The following ADCY8 variants were observed in gnomAD, a reference collection of about 807,000 sequenced individuals.
ADCY8 encodes adenylate cyclase 8, also known as adenylate cyclase type 8.
ADCY8 carries 51 observed loss-of-function variants against 119.7 expected under a neutral mutation model. That is an observed-to-expected ratio of 0.43 (90% confidence interval 0.34 to 0.54). The LOEUF is 0.54. Among genes scored for constraint, ADCY8 ranks in the 20% least tolerant of loss-of-function variants. ADCY8 has a pLI of 0.03. For synonymous variants in ADCY8, 665 were observed against 651.0 expected (o/e 1.02, Z -0.33); for missense variants, 1,383 against 1,598.8 (o/e 0.87, Z 2.30).
At chr8:130,941,663 C>T (rs966864342) in intron 4 of ADCY8, among the ~76,000 whole-genome samples, 7 of 152,142 alleles carry the variant, frequency 4.6e-5, no homozygotes, top group African/African-American at 7.2e-5. Context: ...CCTCCGCCCC[C>T]GTCAGTCTCC....
At chr8:130,821,268 G>T in intron 13 of ADCY8, 74 bp downstream of exon 13, 1 of 1,280,198 alleles carries the variant, frequency 7.8e-7, no homozygotes, top group Non-Finnish European at 1.1e-6. Context: ...TTGCTGCAAA[G>T]AGCAGCAGAG....
intron 2 of ADCY8, among the ~76,000 whole-genome samples, chr8:130,961,026 C>G (rs1282488660): frequency 6.6e-6 from 1 of 151,902 alleles, no homozygotes; most frequent in Non-Finnish European, 1.5e-5. Context: ...GTTTGGGATT[C>G]CAGTCACTCT....
chr8:130,801,562 T>G (rs1006441367), intron 14 of ADCY8, among the ~76,000 whole-genome samples: 1 of 152,218 alleles, frequency 6.6e-6, no homozygotes, highest in Non-Finnish European at 1.5e-5. Context: ...GAGTCTCTTC[T>G]AAGAAAAAGA....
In ADCY8 at chr8:130,787,779, C is replaced by A. The variant is rs1349615955; in HGVS notation, c.3061-2304G>T. ...TGCCTGTGTCCACATGTATGTGTGCCTGTGTGTGGGTGCACACACACATGT... is the reference window on the plus strand; with the variant it reads ...TGCCTGTGTCCACATGTATGTGTGCATGTGTGTGGGTGCACACACACATGT... On this transcript the variant is annotated intron_variant, in intron 15 of 17. Transcript: ENST00000286355. Among the ~76,000 whole-genome samples, 1,062 of 151,664 alleles carry A rather than the reference C, an allele frequency of 7.0e-3. 12 individuals carry two copies. Among genetic ancestry groups the A allele is most frequent in the African/African-American group, 0.024 (1,008 of 41,252 alleles).
chr8:130,867,494 G>A (rs918722640), intron 9 of ADCY8, among the ~76,000 whole-genome samples: 1 of 152,196 alleles, frequency 6.6e-6, no homozygotes, highest in African/African-American at 2.4e-5. Flanking sequence ...AAGGAGCTAC[G>A]ATGCTGTATC....
chr8:130,815,134 A>T (rs1384548365), intron 13 of ADCY8, among the ~76,000 whole-genome samples: 2 of 152,196 alleles, frequency 1.3e-5, no homozygotes, highest in African/African-American at 4.8e-5. Context: ...CACTAAAAAA[A>T]GGCCAGGTTG....
chr8:130,928,453 T>A (rs938412670), intron 5 of ADCY8, among the ~76,000 whole-genome samples: 1 of 152,164 alleles, frequency 6.6e-6, no homozygotes, highest in Non-Finnish European at 1.5e-5. Flanking sequence ...ACATTCTTTC[T>A]CTAATTAATT....
At chr8:130,953,584 T>A (rs560865321) in intron 2 of ADCY8, among the ~76,000 whole-genome samples, 3 of 152,314 alleles carry the variant, frequency 2.0e-5, no homozygotes, top group African/African-American at 7.2e-5. Flanking sequence ...TTGAGTCTGA[T>A]GAAGAAGTTT....
intron 2 of ADCY8, among the ~76,000 whole-genome samples, chr8:130,986,281 G>A (rs1340343958): frequency 3.9e-5 from 6 of 152,136 alleles, no homozygotes; most frequent in South Asian, 2.1e-4. Context: ...TTATTTTTAC[G>A]CAAAGGAGTT....
intron 1 of ADCY8, among the ~76,000 whole-genome samples, chr8:131,000,883 C>T (rs1477570575): frequency 6.6e-6 from 1 of 152,094 alleles, no homozygotes; most frequent in Non-Finnish European, 1.5e-5. Context: ...CTTTCCAGCA[C>T]AGTCTAGAAG....
chr8:131,017,750 G>A (rs1343905949), intron 1 of ADCY8, among the ~76,000 whole-genome samples: 1 of 151,946 alleles, frequency 6.6e-6, no homozygotes, highest in Non-Finnish European at 1.5e-5. Context: ...ACTGGTCACA[G>A]CATGTTAACA....
chr8:130,932,657 C>T (rs1441910174), intron 5 of ADCY8, among the ~76,000 whole-genome samples: 1 of 152,136 alleles, frequency 6.6e-6, no homozygotes, highest in Non-Finnish European at 1.5e-5. Context: ...TTCCTTAGCT[C>T]TTTTGAAGCT....
intron 15 of ADCY8, among the ~76,000 whole-genome samples, chr8:130,791,314 G>A (rs368834189): frequency 1.3e-5 from 2 of 152,140 alleles, no homozygotes; most frequent in African/African-American, 2.4e-5. Flanking sequence ...TGTGGGCCTC[G>A]GCCCTCACCA....
intron 2 of ADCY8, among the ~76,000 whole-genome samples, chr8:130,988,913 CTTG>C (rs1283436782): frequency 6.6e-6 from 1 of 152,174 alleles, no homozygotes; most frequent in Non-Finnish European, 1.5e-5. Context: ...AATTTCAGCT[CTTG>C]TTGTGACAAA....
chr8:130,913,475 A>G (rs747599399), intron 5 of ADCY8, among the ~76,000 whole-genome samples: 13 of 152,106 alleles, frequency 8.5e-5, no homozygotes, highest in Non-Finnish European at 1.8e-4. Context: ...CTTTTGACCA[A>G]TGAAATATGA....
At chr8:130,792,551 G>A (rs1424802238) in intron 15 of ADCY8, among the ~76,000 whole-genome samples, 1 of 152,130 alleles carries the variant, frequency 6.6e-6, no homozygotes, top group Non-Finnish European at 1.5e-5. Flanking sequence ...ATCTTGGTTA[G>A]TGGTGTCTCC....
intron 8 of ADCY8, among the ~76,000 whole-genome samples, chr8:130,880,010 T>C (rs1344177205): frequency 6.6e-6 from 1 of 152,162 alleles, no homozygotes; most frequent in Admixed American, 6.6e-5. Flanking sequence ...TCGTGAGATC[T>C]AATGGTTTTT....
chr8:130,894,721 C>T (rs768478162), intron 7 of ADCY8, among the ~76,000 whole-genome samples: 2 of 152,004 alleles, frequency 1.3e-5, no homozygotes, highest in African/African-American at 2.4e-5. Context: ...ATATAAGTAC[C>T]GTGGCTGTTC....
At chr8:130,806,593 G>A (rs2130134946) in intron 14 of ADCY8, among the ~76,000 whole-genome samples, 1 of 152,298 alleles carries the variant, frequency 6.6e-6, no homozygotes, top group East Asian at 1.9e-4. Flanking sequence ...GATGAGAAGA[G>A]CCCAAAAGGA....
Sources: gnomAD v4.1 joint callset for allele counts (sites outside exome capture counted in the v4.1 genomes callset) on GRCh38, gnomAD v4.1.1 for gene constraint, MANE v1.5 for transcripts, NCBI Gene and HGNC (gene_info 2026-07-23, HGNC 2026-07-21) for gene names.